The following MICAL3 variants were observed in gnomAD, a reference collection of about 807,000 sequenced individuals.
MICAL3 encodes microtubule associated monooxygenase, calponin and LIM domain containing 3.
In MICAL3, 62 loss-of-function variants were observed where a neutral mutation model predicts 207.4. That is an observed-to-expected ratio of 0.30 (90% CI 0.24 to 0.37). The LOEUF (loss-of-function observed/expected upper bound fraction) is 0.37, where lower values mean the gene tolerates loss of function less well. Ranked by LOEUF, MICAL3 falls within the 10% of genes least tolerant of loss-of-function variation. The probability of loss-of-function intolerance (pLI) is 1.00; values close to 1 mark genes in which losing one functional copy is unlikely to be tolerated. For synonymous variants in MICAL3, 1,077 were observed against 1,069.3 expected (o/e 1.01, Z -0.14); for missense variants, 2,368 against 2,635.6 (o/e 0.90, Z 2.22).
intron 19 of MICAL3, among the ~76,000 whole-genome samples, chr22:17,843,413 C>T (rs1924275466): frequency 6.6e-6 from 1 of 152,122 alleles, no homozygotes; most frequent in South Asian, 2.1e-4. Context: ...GCACCGGGTC[C>T]AGGTGGAGGC....
chr22:17,948,828 G>C (rs1190170562), intron 1 of MICAL3, among the ~76,000 whole-genome samples: 1 of 150,872 alleles, frequency 6.6e-6, no homozygotes, highest in Non-Finnish European at 1.5e-5. Flanking sequence ...TGGGAGGATA[G>C]CTTGAGCCCA....
intron 1 of MICAL3, among the ~76,000 whole-genome samples, chr22:17,954,996 T>A (rs1934545827): frequency 6.6e-6 from 1 of 152,192 alleles, no homozygotes; most frequent in Non-Finnish European, 1.5e-5. Flanking sequence ...AATGCTGGGA[T>A]TACAGGCGTG....
At chr22:17,876,882 AGGGAGG>A in intron 16 of MICAL3, 1 of 143,834 alleles carries the variant, frequency 7.0e-6, no homozygotes, top group South Asian at 2.1e-4. Flanking sequence ...TAGGGAGGTT[AGGGAGG>A]TTATGGAGGT....
chr22:17,986,229 G>C (rs566663263), intron 1 of MICAL3, among the ~76,000 whole-genome samples: 3 of 152,280 alleles, frequency 2.0e-5, no homozygotes, highest in Non-Finnish European at 2.9e-5. Flanking sequence ...TAAGAGGTCC[G>C]TAATGACTGG....
intron 1 of MICAL3, among the ~76,000 whole-genome samples, chr22:17,975,407 C>T (rs775646187): frequency 2.6e-5 from 4 of 152,128 alleles, no homozygotes; most frequent in Non-Finnish European, 5.9e-5. Context: ...GACTTCCTAA[C>T]AAATTCCCAC....
chr22:17,852,450 T>G (rs1925432470), intron 19 of MICAL3, among the ~76,000 whole-genome samples: 1 of 152,096 alleles, frequency 6.6e-6, no homozygotes, highest in Non-Finnish European at 1.5e-5. Context: ...TGTCTCGGAA[T>G]GGAGAGGCTC....
chr22:18,002,449 A>G (rs1006423375), intron 1 of MICAL3, among the ~76,000 whole-genome samples: 1 of 152,038 alleles, frequency 6.6e-6, no homozygotes, highest in Non-Finnish European at 1.5e-5. Context: ...CCTTACCAAC[A>G]TGGTGAAACC....
At chr22:17,976,578 TATATATATATA>T (rs376044450) in intron 1 of MICAL3, among the ~76,000 whole-genome samples, 26 of 101,942 alleles carry the variant, frequency 2.6e-4, no homozygotes, top group African/African-American at 1.1e-3. Flanking sequence ...TATATATATA[TATATATATATA>T]TTTTTTTTTT....
intron 19 of MICAL3, among the ~76,000 whole-genome samples, chr22:17,850,400 GTTT>G (rs565667574): frequency 4.0e-5 from 3 of 74,384 alleles, no homozygotes; most frequent in African/African-American, 1.1e-4. Flanking sequence ...TTTTGAATTA[GTTT>G]TTTTTTTTTT....
chr22:17,921,017 G>C (rs576275429), intron 1 of MICAL3, among the ~76,000 whole-genome samples: 1 of 152,006 alleles, frequency 6.6e-6, no homozygotes, highest in Non-Finnish European at 1.5e-5. Flanking sequence ...TGACTCCCTC[G>C]CATTTTGCCC....
rs565328971 is a variant in MICAL3 at position 17,906,536 on chromosome 22, G to C, written c.264+13C>G. 24 of 1,612,082 alleles carry C rather than the reference G, an allele frequency of 1.5e-5. No homozygotes were observed. In the South Asian group the frequency reaches 2.2e-4, roughly 15 times the overall value. ...CGTCAGTGACCCCAGGGCCCAACAG[G>C]AGCAAAGCTTACCTTGGTGTTAGTG... is the stretch of plus-strand genomic sequence containing the variant. On this transcript the variant is annotated intron_variant, in intron 2 of 31. Transcript: ENST00000441493.
At chr22:17,821,039 C>T (rs993714422) in intron 25 of MICAL3, among the ~76,000 whole-genome samples, 9 of 147,824 alleles carry the variant, frequency 6.1e-5, no homozygotes, top group Non-Finnish European at 1.2e-4. Flanking sequence ...GTTTATTATA[C>T]ATTTATTAAA....
intron 19 of MICAL3, chr22:17,862,050 A>C: frequency 1.0e-6 from 1 of 985,434 alleles, no homozygotes; most frequent in Non-Finnish European, 1.2e-6. Context: ...AGCTGGGTCA[A>C]ACACTGCCCA....
chr22:17,927,481 C>T (rs978226814), intron 1 of MICAL3, among the ~76,000 whole-genome samples: 17 of 152,212 alleles, frequency 1.1e-4, no homozygotes, highest in African/African-American at 3.9e-4. Flanking sequence ...CTTAAGCCAC[C>T]CCCTTGCTTA....
At chr22:17,943,098 C>G (rs2049171042) in intron 1 of MICAL3, among the ~76,000 whole-genome samples, 1 of 152,182 alleles carries the variant, frequency 6.6e-6, no homozygotes, top group South Asian at 2.1e-4. Context: ...TTTTTATTTC[C>G]CTGAAATCAA....
chr22:17,941,427 G>A (rs1933800666), intron 1 of MICAL3, among the ~76,000 whole-genome samples: 1 of 152,218 alleles, frequency 6.6e-6, no homozygotes, highest in Admixed American at 6.5e-5. Context: ...TCTGGGGCTT[G>A]GAGAGAGGCC....
Position 17,831,867 on chromosome 22 carries a change from T to C in MICAL3, c.3042A>G (p.Glu1014=), listed in dbSNP as rs1320680644. The C allele has an allele frequency of 6.4e-7, 1 of 1,552,508 alleles. No individual in the cohort carries two copies. The highest frequency in any genetic ancestry group is 2.0e-5 in the Admixed American group (1 of 51,070). ...EEEEDYDEEE[E]ESSEAGNQRL... ...TTTTGTTCTGACCTTCACTGGACTC[T>C]TCCTCCTCCTCGTCATAGTCCTCCT... Residue 1014 remains glutamate, a synonymous_variant, in exon 21 of 32, where the codon GAA becomes GAG. Transcript: ENST00000441493.
Position 17,804,887 on chromosome 22 carries a change from T to G in MICAL3, c.5650+3957A>C, listed in dbSNP as rs76057842. Among the ~76,000 whole-genome samples the G allele has an allele frequency of 7.4e-3, 1,122 of 152,306 alleles. 23 individuals are homozygous for G. The highest frequency in any genetic ancestry group is 0.026 in the African/African-American group (1,089 of 41,568). On this transcript the variant is annotated intron_variant, in intron 29 of 31. Coordinates refer to ENST00000441493, the MANE Select transcript of MICAL3 (RefSeq NM_015241.3). ...ATGCTCAAGGCTGAGTCAGTGTTTT[T>G]GTAACAAAAAGGCTTCCCAGGTGCC...
At chr22:17,980,916 G>C (rs967811849) in intron 1 of MICAL3, 1 of 533,256 alleles carries the variant, frequency 1.9e-6, no homozygotes, top group Non-Finnish European at 3.9e-6. Flanking sequence ...CGCTGGGCCT[G>C]CCCCGGCCCC....
Sources: gnomAD v4.1 joint callset for allele counts (sites outside exome capture counted in the v4.1 genomes callset) on GRCh38, gnomAD v4.1.1 for gene constraint, MANE v1.5 for transcripts, NCBI Gene and HGNC (gene_info 2026-07-23, HGNC 2026-07-21) for gene names.